Variants in ZIC4 observed in about 807,000 individuals in gnomAD.
The protein encoded by ZIC4 is Zic family zinc finger 4, also known as zinc finger protein ZIC 4.
A neutral mutation model predicts 28.8 loss-of-function variants in ZIC4; 15 were observed. That is an observed-to-expected ratio of 0.52 (90% CI 0.35 to 0.80). The LOEUF is 0.80. ZIC4 is among the 30% of genes least tolerant of loss of function. The pLI is 0.01. For synonymous variants in ZIC4, 220 were observed against 198.1 expected, an observed-to-expected ratio of 1.11 and a Z score of -0.93; for missense variants, 512 against 467.1, an observed-to-expected ratio of 1.10 and a Z score of -0.89.
intron 1 of ZIC4, chr3:147,403,944 A>G: frequency 1.3e-6 from 2 of 1,534,460 alleles, no homozygotes; most frequent in Non-Finnish European, 1.7e-6. Flanking sequence ...CAGGCCTAGG[A>G]GGCAGGGGGG....
chr3:147,397,851 T>C (rs113151719), intron 2 of ZIC4, among the ~76,000 whole-genome samples: 182 of 152,262 alleles, frequency 1.2e-3, no homozygotes, highest in African/African-American at 4.3e-3. Context: ...TTCGTCTCTC[T>C]TATTTTCCCC....
chr3:147,391,998 G>C, intron 3 of ZIC4: 5 of 985,294 alleles, frequency 5.1e-6, no homozygotes, highest in Non-Finnish European at 6.0e-6. Flanking sequence ...CTCCAGATAC[G>C]CTCGCCAGTA....
chr3:147,390,004 C>A (rs759483211), intron 4 of ZIC4, among the ~76,000 whole-genome samples: 2 of 152,136 alleles, frequency 1.3e-5, no homozygotes, highest in Non-Finnish European at 2.9e-5. Context: ...CCCGGGGAGG[C>A]CTCACAGCAT....
chr3:147,402,891 G>A (rs1320423915), intron 1 of ZIC4, 79 bp from the exon 2 acceptor site: 3 of 1,188,970 alleles, frequency 2.5e-6, no homozygotes, highest in East Asian at 4.8e-5. Context: ...TGGTTTGAAT[G>A]TATGAATGAA....
At chr3:147,389,009 T>C (rs904453835) in intron 4 of ZIC4, 150 bp from the exon 5 acceptor site, 1 of 637,092 alleles carries the variant, frequency 1.6e-6, no homozygotes, top group Admixed American at 2.8e-5. Context: ...AGGGGGACTT[T>C]TTAAACATTG....
In ZIC4 at chr3:147,395,933, G is replaced by C. The variant is rs2107973753; in HGVS notation, c.607C>G (p.Pro203Ala). 1 of 1,614,258 alleles carries C rather than the reference G, an allele frequency of 6.2e-7. No individual in the cohort carries two copies. The highest frequency in any genetic ancestry group is 2.2e-5 in the East Asian group (1 of 44,880). The change falls in exon 3 of 5, where the codon CCC (proline) becomes GCC (alanine). Residue 203 changes from proline to alanine, a missense_variant. Physicochemically the swap from Pro to Ala is conservative, Grantham distance 27. Coordinates refer to ENST00000383075, the MANE Select transcript of ZIC4 (RefSeq NM_032153.6). The part of the protein sequence containing the change: ...NHIRVHTGEK[P>A]FPCPFPGCGK... ...CACCCCGGGAAAGGACAAGGGAAGGGCTTCTCGCCCGTGTGCACGCGGATG... is the reference window on the plus strand; with the variant it reads ...CACCCCGGGAAAGGACAAGGGAAGGCCTTCTCGCCCGTGTGCACGCGGATG...
At chr3:147,398,437 T>C (rs1419308471) in intron 2 of ZIC4, among the ~76,000 whole-genome samples, 3 of 125,872 alleles carry the variant, frequency 2.4e-5, no homozygotes, top group Admixed American at 8.8e-5. Context: ...GGGGCCACTT[T>C]GGCGGGATGG....
At chr3:147,392,525 G>A (rs1029305444) in intron 3 of ZIC4, 21 of 841,932 alleles carry the variant, frequency 2.5e-5, no homozygotes, top group Admixed American at 6.2e-5. Flanking sequence ...GGGGGAAGAA[G>A]GTTTCTGGGC....
intron 2 of ZIC4, among the ~76,000 whole-genome samples, chr3:147,400,619 C>G (rs569585483): frequency 2.6e-5 from 4 of 152,168 alleles, no homozygotes; most frequent in Non-Finnish European, 4.4e-5. Flanking sequence ...ACATTCTCCT[C>G]GAAGGACATT....
In ZIC4 at chr3:147,392,238, GAAGAA is replaced by G. The variant is rs200629412; in HGVS notation, c.689-997_689-993del. 8,820 of 985,774 alleles carry G rather than the reference GAAGAA, an allele frequency of 8.9e-3. 47 individuals carry two copies. The highest frequency in any genetic ancestry group is 9.8e-3 in the Non-Finnish European group (8,095 of 830,186). 61.1% of individuals were successfully genotyped at this position (985,774 alleles called of 1,614,324 possible). A position where few individuals can be genotyped will look rare whatever the true frequency, so the allele number is the denominator to read the frequency against. On this transcript the variant is annotated intron_variant, in intron 3 of 4. Transcript: ENST00000383075. ...ACGCCCTTGAGCGCTGCGGCTTCGG[GAAGAA>G]AACAGCTGCTGCTGTCAGGCCAGGC...
At chr3:147,403,154 G>A (rs552142974) in intron 1 of ZIC4, among the ~76,000 whole-genome samples, 21 of 151,944 alleles carry the variant, frequency 1.4e-4, no homozygotes, top group East Asian at 3.9e-4. Flanking sequence ...AATTAATTGC[G>A]TAAGAAACCT....
chr3:147,393,746 C>A (rs900440434), intron 3 of ZIC4: 1 of 364,118 alleles, frequency 2.7e-6, no homozygotes. Flanking sequence ...CCTCAGACGC[C>A]GGGGAAGGTG....
rs762947769 is a variant in ZIC4 at position 147,391,060 on chromosome 3, G to A, written c.875C>T (p.Pro292Leu). The change falls in exon 4 of 5, where the codon CCG (proline) becomes CTG (leucine). Residue 292 changes from proline (P) to leucine (L), a missense_variant. Pro to Leu is a moderately conservative substitution (Grantham distance 98). Transcript: ENST00000383075. Reference protein sequence around the residue: ...RKHMKVHGRSPPPSSGYDSAT... With the variant: ...RKHMKVHGRSLPPSSGYDSAT... Reference sequence around the variant, plus strand: ...CGAATCGTAGCCAGAGCTGGGCGGCGGCGAGCGCCCGTGCACCTTCATGTG... The same window carrying A: ...CGAATCGTAGCCAGAGCTGGGCGGCAGCGAGCGCCCGTGCACCTTCATGTG... The A allele has an allele frequency of 7.4e-6, 12 of 1,613,884 alleles. No homozygotes were observed. The highest frequency in any genetic ancestry group is 3.3e-5 in the Admixed American group (2 of 60,028).
rs531564948 is a variant in ZIC4 at position 147,388,624 on chromosome 3, G to C, written c.*235C>G. The C allele has an allele frequency of 2.0e-6, 1 of 505,672 alleles. No individual in the cohort carries two copies. The highest frequency in any genetic ancestry group is 3.5e-6 in the Non-Finnish European group (1 of 285,516). 31.3% of individuals were successfully genotyped at this position (505,672 alleles called of 1,614,324 possible). ...ATATACTTGTATACACAAGAAAAAAGGTCTGTTAGACGTAAATATTATGTC... is the reference window on the plus strand; with the variant it reads ...ATATACTTGTATACACAAGAAAAAACGTCTGTTAGACGTAAATATTATGTC... On this transcript the variant is annotated 3_prime_UTR_variant, in exon 5 of 5. Transcript: ENST00000383075.
chr3:147,398,043 A>G (rs1185296933), intron 2 of ZIC4, among the ~76,000 whole-genome samples: 1 of 152,102 alleles, frequency 6.6e-6, no homozygotes, highest in Non-Finnish European at 1.5e-5. Context: ...TGACGGCCTG[A>G]AAAGGCTGGG....
chr3:147,388,769 T>G lies in ZIC4; in HGVS notation c.*90A>C, dbSNP rs1051614851. ...TGCACCGTGGCGAAGAAACACTGCT[T>G]TGTGCGCGGGCCCTTTGATGTAGCA... On this transcript the variant is annotated 3_prime_UTR_variant, in exon 5 of 5. Transcript: ENST00000383075. 5.2e-5 allele frequency: 39 copies of G among 746,868 alleles called. No individual in the cohort carries two copies. 46.3% of individuals were successfully genotyped at this position (746,868 alleles called of 1,614,324 possible).
chr3:147,395,733 C>A, intron 3 of ZIC4, 119 bp downstream of exon 3: 8 of 1,460,414 alleles, frequency 5.5e-6, no homozygotes, highest in Non-Finnish European at 6.4e-6. Flanking sequence ...ATGGCCTTGG[C>A]TCATGGAAAC....
At chr3:147,388,912 T>G in intron 4 of ZIC4, 53 bp from the exon 5 acceptor site, 2 of 777,318 alleles carry the variant, frequency 2.6e-6, no homozygotes, top group Non-Finnish European at 4.8e-6. Context: ...CCAAACATTT[T>G]GTTTTATTTC....
rs983942298 is a variant in ZIC4 at position 147,396,676 on chromosome 3, C to A, written c.71-207G>T. 6 of 545,938 alleles carry A rather than the reference C, an allele frequency of 1.1e-5. No individual in the cohort carries two copies. Among genetic ancestry groups the A allele is most frequent in the Non-Finnish European group, 1.8e-5 (6 of 333,390 alleles). The allele number at this position is 545,938 out of a possible 1,614,324, so 33.8% of individuals were successfully genotyped here. A position where few individuals can be genotyped will look rare whatever the true frequency, so the allele number is the denominator to read the frequency against. ...GCCATTGGGCCGAATTGCTGTTGGG[C>A]CAAGTCCCCCGCCGCGCCATGAGCT... On this transcript the variant is annotated intron_variant, in intron 2 of 4. Coordinates refer to ENST00000383075, the MANE Select transcript of ZIC4 (RefSeq NM_032153.6). This position sits in a 1 kb window ranked among gnomAD's most constrained non-coding sequence, Gnocchi z 4.2.
Sources: gnomAD v4.1 joint callset for allele counts (sites outside exome capture counted in the v4.1 genomes callset) on GRCh38, gnomAD v4.1.1 for gene constraint, Gnocchi (gnomAD v3.1) non-coding constraint, MANE v1.5 for transcripts, NCBI Gene and HGNC (gene_info 2026-07-23, HGNC 2026-07-21) for gene names.